NLGN1: variants seen among roughly 807,000 people sequenced by gnomAD.
NLGN1 encodes neuroligin-1.
A neutral mutation model predicts 65.5 loss-of-function variants in NLGN1; 12 were observed. The ratio of observed to expected loss-of-function variants is 0.18; its 90% CI spans 0.12 to 0.30. The LOEUF (loss-of-function observed/expected upper bound fraction) is 0.30. Ranked by LOEUF, NLGN1 falls within the 10% of genes least tolerant of loss-of-function variation. The pLI is 1.00. For missense variants in NLGN1, 750 were observed against 1,007.1 expected (o/e 0.74, Z 3.46); for synonymous variants, 350 against 359.5 (o/e 0.97, Z 0.30).
chr3:174,036,498 C>T lies in NLGN1; in HGVS notation c.646+228666C>T, dbSNP rs115430315. 4.5e-3 allele frequency among the ~76,000 whole-genome samples: 675 copies of T among 151,496 alleles called. 7 individuals carry two copies. The highest frequency in any genetic ancestry group is 0.015 in the African/African-American group (629 of 41,226). On this transcript the variant is annotated intron_variant, in intron 4 of 6. Coordinates refer to ENST00000457714, the Ensembl canonical transcript of NLGN1. ...TATTAAGTTACAAGCTTGGAGGCCA[C>T]GAACTCCTTGGAAGAGATAGTAGGG...
intron 3 of NLGN1, among the ~76,000 whole-genome samples, chr3:173,728,475 T>C (rs1772210124): frequency 1.3e-5 from 2 of 152,106 alleles, no homozygotes; most frequent in Admixed American, 6.6e-5. Context: ...CCACGTGAGC[T>C]TTAGAATGGG....
At chr3:173,423,487 T>C (rs1715508114) in intron 1 of NLGN1, among the ~76,000 whole-genome samples, 1 of 151,970 alleles carries the variant, frequency 6.6e-6, no homozygotes, top group South Asian at 2.1e-4. Flanking sequence ...CAAGATACAA[T>C]GGAGGTGTGG....
At chr3:173,465,435 C>T (rs1441956317) in intron 2 of NLGN1, among the ~76,000 whole-genome samples, 1 of 152,164 alleles carries the variant, frequency 6.6e-6, no homozygotes, top group Non-Finnish European at 1.5e-5. Context: ...GCAGAAACAT[C>T]ACCCCCTAGC....
At chr3:174,078,599 A>G (rs1741496482) in intron 4 of NLGN1, among the ~76,000 whole-genome samples, 1 of 152,216 alleles carries the variant, frequency 6.6e-6, no homozygotes, top group Admixed American at 6.5e-5. Flanking sequence ...CAAAGACCAA[A>G]ATGTAAATCC....
chr3:173,592,403 G>A (rs1577427779), intron 2 of NLGN1, among the ~76,000 whole-genome samples: 1 of 151,998 alleles, frequency 6.6e-6, no homozygotes, highest in South Asian at 2.1e-4. Flanking sequence ...TCTTTTTGTT[G>A]TCAGAAAAGC....
rs1460442179 is a variant in NLGN1 at position 173,583,348 on chromosome 3, A to ATATT, written c.-320-20926_-320-20923dup. On this transcript the variant is annotated intron_variant, in intron 2 of 6. Transcript: ENST00000457714. ...TTGATTCTCCCATCCAGGAACATGT[A>ATATT]TATTTATTGATTTATATGGGTTTAC... Among the ~76,000 whole-genome samples, 3 of 152,212 alleles carry ATATT rather than the reference A, an allele frequency of 2.0e-5. No individual in the cohort carries two copies. In the East Asian group the frequency reaches 5.8e-4, roughly 29 times the overall value.
rs1467693137 is a variant in NLGN1, at chr3:173,918,658, ATATGTG to A, written c.646+110828_646+110833del. The stretch of plus-strand genomic sequence containing the variant: ...AAAAAAAAAAAAAAAAAAGAAATAC[ATATGTG>A]TGTGTGTGTGTGTGTGTGTGTGTGT... On this transcript the variant is annotated intron_variant, in intron 4 of 6. Transcript: ENST00000457714. Among the ~76,000 whole-genome samples, 6 of 84,600 alleles carry A rather than the reference ATATGTG, an allele frequency of 7.1e-5. No homozygotes were observed. The East Asian group carries it at 1.0e-3, about 14-fold the overall frequency. The allele number at this position is 84,600 out of a possible 152,430, so 55.5% of individuals were successfully genotyped here.
intron 3 of NLGN1, among the ~76,000 whole-genome samples, chr3:173,667,640 T>A (rs1353450468): frequency 6.6e-6 from 1 of 151,914 alleles, no homozygotes; most frequent in Non-Finnish European, 1.5e-5. Flanking sequence ...TGAAATTCCC[T>A]TTTTTTTGAG....
intron 4 of NLGN1, among the ~76,000 whole-genome samples, chr3:173,953,055 A>G (rs1748532924): frequency 2.0e-5 from 3 of 152,224 alleles, no homozygotes. Flanking sequence ...CTGGTATTAC[A>G]GGCGTGAGCC....
At chr3:174,044,372 G>T (rs959932871) in intron 4 of NLGN1, among the ~76,000 whole-genome samples, 1 of 152,068 alleles carries the variant, frequency 6.6e-6, no homozygotes, top group Non-Finnish European at 1.5e-5. Flanking sequence ...ACAAGACCAG[G>T]CTGCAAACCT....
intron 4 of NLGN1, among the ~76,000 whole-genome samples, chr3:174,190,301 A>C (rs948307570): frequency 6.6e-6 from 1 of 152,060 alleles, no homozygotes; most frequent in African/African-American, 2.4e-5. Context: ...AAAGCAAAGA[A>C]CATGAACCTG....
chr3:174,258,825 G>A (rs535244364), intron 4 of NLGN1, among the ~76,000 whole-genome samples: 1 of 152,206 alleles, frequency 6.6e-6, no homozygotes, highest in South Asian at 2.1e-4. Flanking sequence ...GTGAGTTCAG[G>A]TTTGATAGGA....
chr3:174,090,583 C>T (rs559320323), intron 4 of NLGN1, among the ~76,000 whole-genome samples: 1 of 152,284 alleles, frequency 6.6e-6, no homozygotes, highest in Non-Finnish European at 1.5e-5. Flanking sequence ...AGTTCATACA[C>T]TGAGAAGGTT....
chr3:173,467,672 G>A (rs753553200), intron 2 of NLGN1, among the ~76,000 whole-genome samples: 7 of 152,228 alleles, frequency 4.6e-5, no homozygotes, highest in Non-Finnish European at 7.4e-5. Context: ...ATGAGATAAT[G>A]TATGGGGTAA....
intron 4 of NLGN1, among the ~76,000 whole-genome samples, chr3:174,066,552 C>CTGTGTG (rs1235577088): frequency 2.6e-5 from 3 of 115,660 alleles, no homozygotes; most frequent in African/African-American, 1.0e-4. Flanking sequence ...CTCTCTCTCT[C>CTGTGTG]TCTCTCTCTC....
At chr3:173,998,592 T>G (rs2152423792) in intron 4 of NLGN1, among the ~76,000 whole-genome samples, 1 of 152,360 alleles carries the variant, frequency 6.6e-6, no homozygotes, top group African/African-American at 2.4e-5. Context: ...TTGCCTAGAA[T>G]TCAGTTGTTT....
chr3:173,859,661 G>T (rs1441101980), intron 4 of NLGN1, among the ~76,000 whole-genome samples: 1 of 152,002 alleles, frequency 6.6e-6, no homozygotes, highest in Non-Finnish European at 1.5e-5. Flanking sequence ...CTGAAAAATT[G>T]AATTTTTCTT....
chr3:174,166,641 G>A (rs913259228), intron 4 of NLGN1, among the ~76,000 whole-genome samples: 1 of 151,982 alleles, frequency 6.6e-6, no homozygotes, highest in African/African-American at 2.4e-5. Context: ...TGCAGATGAG[G>A]AGAATGTATA....
At chr3:174,106,283 T>C (rs939846615) in intron 4 of NLGN1, among the ~76,000 whole-genome samples, 1 of 152,074 alleles carries the variant, frequency 6.6e-6, no homozygotes, top group African/African-American at 2.4e-5. Flanking sequence ...GCCTGGTATA[T>C]ATATAATAGT....
Sources: allele counts gnomAD v4.1 joint callset (sites outside exome capture counted in the v4.1 genomes callset), GRCh38; gene constraint gnomAD v4.1.1; transcripts MANE v1.5; gene names NCBI Gene and HGNC (gene_info 2026-07-23, HGNC 2026-07-21).